Variants in ERG observed in about 807,000 individuals in gnomAD.
ERG encodes the protein ETS transcription factor ERG.
Under a neutral mutation model 55.3 loss-of-function variants are expected in ERG, and 9 were observed. The ratio of observed to expected loss-of-function variants is 0.16; its 90% CI spans 0.10 to 0.28. The LOEUF (loss-of-function observed/expected upper bound fraction) is 0.28, where lower values mean the gene tolerates loss of function less well. Ranked by LOEUF, ERG falls within the 10% of genes least tolerant of loss-of-function variation. The pLI is 1.00. For missense variants in ERG, 434 were observed against 631.6 expected, an observed-to-expected ratio of 0.69 and a Z score of 3.35; for synonymous variants, 223 against 237.3, an observed-to-expected ratio of 0.94 and a Z score of 0.55.
chr21:38,427,972 A>T (rs932473287), intron 2 of ERG, among the ~76,000 whole-genome samples: 3 of 152,168 alleles, frequency 2.0e-5, no homozygotes, highest in African/African-American at 7.2e-5. Context: ...GAATTGTTTT[A>T]GCTCAGGAGT....
intron 1 of ERG, chr21:38,584,832 TG>T (rs2060052562): frequency 6.6e-6 from 1 of 152,250 alleles, no homozygotes; most frequent in Non-Finnish European, 1.5e-5. Flanking sequence ...ATTTGGGTTC[TG>T]TTCATTTTAC....
In ERG at chr21:38,388,627, G is replaced by C. The variant is rs748825562; in HGVS notation, c.919+2368C>G. ...AGACACAAACCTAAAGATAGATGGA[G>C]AGAAAGTCAAATTCATCAGAAACTA... On this transcript the variant is annotated intron_variant, in intron 9 of 9. Coordinates refer to ENST00000288319, the MANE Select transcript of ERG (RefSeq NM_182918.4). Among the ~76,000 whole-genome samples, 94 of 152,176 alleles carry C rather than the reference G, an allele frequency of 6.2e-4. 2 individuals carry two copies. The highest frequency in any genetic ancestry group is 5.9e-4 in the Non-Finnish European group (40 of 68,026).
upstream of ERG, among the ~76,000 whole-genome samples, chr21:38,586,336 A>G (rs1417389054): frequency 6.6e-6 from 1 of 151,682 alleles, no homozygotes; most frequent in Non-Finnish European, 1.5e-5. Context: ...AGTGATTTTC[A>G]AGAATATAAT....
intron 2 of ERG, among the ~76,000 whole-genome samples, chr21:38,533,767 A>G (rs546792048): frequency 6.6e-6 from 1 of 152,362 alleles, no homozygotes; most frequent in Non-Finnish European, 1.5e-5. Context: ...ACTAACGTGG[A>G]AAGTTTCAGA....
chr21:38,595,297 C>T (rs13052641), intron 1 of ERG, among the ~76,000 whole-genome samples: 100,555 of 151,576 alleles, frequency 0.66, 33,489 homozygotes, highest in Middle Eastern at 0.69. Flanking sequence ...ATGGCTGCCA[C>T]GATCCAGCCC....
At chr21:38,621,678 C>A (rs567606835) in intron 1 of ERG, among the ~76,000 whole-genome samples, 3 of 152,274 alleles carry the variant, frequency 2.0e-5, no homozygotes, top group South Asian at 4.1e-4. Flanking sequence ...AAAATAAAAC[C>A]CATCTCTTCT....
intron 1 of ERG, among the ~76,000 whole-genome samples, chr21:38,479,745 T>C (rs1379402815): frequency 6.7e-6 from 1 of 149,292 alleles, no homozygotes; most frequent in East Asian, 2.1e-4. Flanking sequence ...CTTTTCCATC[T>C]TAACTAAGCA....
chr21:38,396,915 TAA>T (rs35054021), intron 6 of ERG, among the ~76,000 whole-genome samples: 3,542 of 151,918 alleles, frequency 0.023, 141 homozygotes, highest in African/African-American at 0.08. Flanking sequence ...TAAAGTATAA[TAA>T]AATATATATA....
intron 2 of ERG, among the ~76,000 whole-genome samples, chr21:38,437,721 C>T (rs902416614): frequency 1.3e-5 from 2 of 152,166 alleles, no homozygotes; most frequent in African/African-American, 4.8e-5. Context: ...TTCCTCATGC[C>T]ATATGTCCAA....
intron 3 of ERG, among the ~76,000 whole-genome samples, chr21:38,412,091 T>C (rs1041891229): frequency 3.9e-5 from 6 of 152,238 alleles, no homozygotes; most frequent in Non-Finnish European, 8.8e-5. Context: ...CAAGATTTTT[T>C]TGTAAACAAC....
chr21:38,473,680 CAT>C (rs1318187713), intron 1 of ERG, among the ~76,000 whole-genome samples: 1 of 151,914 alleles, frequency 6.6e-6, no homozygotes, highest in East Asian at 1.9e-4. Context: ...GTGGTTTGGA[CAT>C]ATTACTATTT....
chr21:38,391,778 T>C, intron 7 of ERG, 63 bp from the exon 8 acceptor site: 1 of 1,286,318 alleles, frequency 7.8e-7, no homozygotes, highest in Non-Finnish European at 1.1e-6. Context: ...GTCTTTGATG[T>C]TGTTGCATAA....
chr21:38,473,179 AGG>A, intron 1 of ERG, among the ~76,000 whole-genome samples: 2 of 137,738 alleles, frequency 1.5e-5, no homozygotes, highest in African/African-American at 5.1e-5. Context: ...AAAAAAAAAA[AGG>A]CTTAGAGACA....
chr21:38,558,396 G>C (rs946119114), intron 2 of ERG, among the ~76,000 whole-genome samples: 3 of 152,214 alleles, frequency 2.0e-5, no homozygotes, highest in South Asian at 4.1e-4. Flanking sequence ...ATTGGTAATA[G>C]TTTTAAGTTT....
At chr21:38,508,009 A>AT (rs2059479802) in intron 2 of ERG, among the ~76,000 whole-genome samples, 1 of 150,562 alleles carries the variant, frequency 6.6e-6, no homozygotes, top group Non-Finnish European at 1.5e-5. Context: ...GCACACACAC[A>AT]GAGACACACA....
chr21:38,554,695 G>A (rs1252312682), intron 2 of ERG, among the ~76,000 whole-genome samples: 3 of 152,132 alleles, frequency 2.0e-5, no homozygotes, highest in Admixed American at 6.5e-5. Flanking sequence ...GACGAAGGGT[G>A]AAGATTGAAA....
intron 5 of ERG, 37 bp downstream of exon 5, chr21:38,402,520 C>T (rs201535917): frequency 9.8e-5 from 150 of 1,527,504 alleles, no homozygotes; most frequent in East Asian, 1.8e-4. Flanking sequence ...TAAGACCCTA[C>T]GCTCTTGCTG....
chr21:38,476,219 T>TA lies in ERG; in HGVS notation c.18+22143dup, dbSNP rs201354411. 2.6e-3 allele frequency among the ~76,000 whole-genome samples: 379 copies of TA among 147,664 alleles called. 3 individuals are homozygous for TA. Among genetic ancestry groups the TA allele is most frequent in the Non-Finnish European group, 4.6e-3 (303 of 66,484 alleles). ...GAATGAAAATCTGAACGTAGTACGTTAAAAAAAAAAATCTTCAAAAGCAAA... is the reference window on the plus strand; with the variant it reads ...GAATGAAAATCTGAACGTAGTACGTTAAAAAAAAAAAATCTTCAAAAGCAAA... On this transcript the variant is annotated intron_variant, in intron 1 of 9. Coordinates refer to ENST00000288319, the MANE Select transcript of ERG (RefSeq NM_182918.4).
chr21:38,389,202 T>G (rs781771612), intron 9 of ERG, among the ~76,000 whole-genome samples: 3 of 152,136 alleles, frequency 2.0e-5, no homozygotes, highest in Non-Finnish European at 2.9e-5. Context: ...AAAACAAAAG[T>G]AGACTTTGCA....
Sources: allele counts gnomAD v4.1 joint callset (sites outside exome capture counted in the v4.1 genomes callset), GRCh38; gene constraint gnomAD v4.1.1; transcripts MANE v1.5; gene names NCBI Gene and HGNC (gene_info 2026-07-23, HGNC 2026-07-21).